The following PIKFYVE variants were observed in gnomAD, a reference collection of about 807,000 sequenced individuals.
The protein encoded by PIKFYVE is 1-phosphatidylinositol 3-phosphate 5-kinase.
Under a neutral mutation model 257.9 loss-of-function variants are expected in PIKFYVE, and 122 were observed. That is an observed-to-expected ratio of 0.47 (90% CI 0.41 to 0.55). The LOEUF (loss-of-function observed/expected upper bound fraction) is 0.55. Among genes scored for constraint, PIKFYVE ranks in the 20% least tolerant of loss-of-function variants. PIKFYVE has a pLI of 0.00. For synonymous variants in PIKFYVE, 892 were observed against 868.9 expected (o/e 1.03, Z -0.47); for missense variants, 2,160 against 2,536.6 (o/e 0.85, Z 3.19).
chr2:208,352,282 A>C (rs908327810), intron 38 of PIKFYVE, among the ~76,000 whole-genome samples: 1 of 152,268 alleles, frequency 6.6e-6, no homozygotes, highest in Non-Finnish European at 1.5e-5. Flanking sequence ...GTCATTGAGC[A>C]GCCACCAGTG....
At chr2:208,309,896 T>A (rs183493787) in intron 12 of PIKFYVE, among the ~76,000 whole-genome samples, 46 of 152,344 alleles carry the variant, frequency 3.0e-4, no homozygotes, top group Non-Finnish European at 5.4e-4. Flanking sequence ...AAAGAAATTA[T>A]AATCCTTTAG....
intron 5 of PIKFYVE, 55 bp downstream of exon 5, chr2:208,277,763 CT>C: frequency 6.4e-7 from 1 of 1,574,696 alleles, no homozygotes; most frequent in Non-Finnish European, 8.7e-7. Flanking sequence ...CTATAAGACA[CT>C]TATAATACAG....
At chr2:208,330,043 G>A in intron 22 of PIKFYVE, 130 bp downstream of exon 22, 2 of 1,257,666 alleles carry the variant, frequency 1.6e-6, no homozygotes, top group African/African-American at 1.5e-5. Context: ...GCATATCAGA[G>A]TATATCATTC....
chr2:208,270,891 T>C (rs947497840), intron 1 of PIKFYVE, among the ~76,000 whole-genome samples: 2 of 151,750 alleles, frequency 1.3e-5, no homozygotes, highest in African/African-American at 2.4e-5. Context: ...AAAAATTAAC[T>C]GGGCGTGGTG....
chr2:208,316,765 G>A (rs1000831009), intron 15 of PIKFYVE, among the ~76,000 whole-genome samples: 16 of 152,158 alleles, frequency 1.1e-4, no homozygotes, highest in African/African-American at 3.9e-4. Flanking sequence ...AAACAGCGTG[G>A]TACTGGTACC....
At chr2:208,324,497 A>T (rs963110077) in intron 18 of PIKFYVE, among the ~76,000 whole-genome samples, 1 of 152,194 alleles carries the variant, frequency 6.6e-6, no homozygotes, top group African/African-American at 2.4e-5. Context: ...ATTGGTGTCT[A>T]CAAGACCAAA....
At chr2:208,318,789 T>C (rs1179627037) in intron 16 of PIKFYVE, among the ~76,000 whole-genome samples, 1 of 151,966 alleles carries the variant, frequency 6.6e-6, no homozygotes, top group Non-Finnish European at 1.5e-5. Flanking sequence ...ACATCTGTAC[T>C]AAAAATACAA....
At chr2:208,312,194 T>C in intron 12 of PIKFYVE, 42 bp from the exon 13 acceptor site, 1 of 1,399,752 alleles carries the variant, frequency 7.1e-7, no homozygotes, top group East Asian at 2.3e-5. Context: ...GTCATATGTC[T>C]CTACTTTTGT....
At chr2:208,318,074 A>G in intron 16 of PIKFYVE, 133 bp downstream of exon 16, 1 of 946,688 alleles carries the variant, frequency 1.1e-6, no homozygotes, top group Middle Eastern at 2.1e-4. Flanking sequence ...CATAGGGGTG[A>G]AATTTGGTTG....
intron 35 of PIKFYVE, among the ~76,000 whole-genome samples, chr2:208,349,509 T>C (rs892456276): frequency 2.7e-5 from 4 of 149,830 alleles, no homozygotes; most frequent in Non-Finnish European, 5.9e-5. Context: ...GTTAATTATG[T>C]ATGTTATATA....
At position 208,306,092 on chromosome 2, in the gene PIKFYVE, G is replaced by A. The variant is rs1400910537; in HGVS notation, c.1636+1079G>A. Among the ~76,000 whole-genome samples the A allele has an allele frequency of 3.3e-5, 5 of 152,306 alleles. No homozygotes were observed. In the South Asian group the frequency reaches 1.0e-3, roughly 32 times the overall value. ...TTTCTCCAACAAATTTCTCATAGTTGTCAGTATTAGCTATTATCAAGATGT... is the reference window on the plus strand; with the variant it reads ...TTTCTCCAACAAATTTCTCATAGTTATCAGTATTAGCTATTATCAAGATGT... On this transcript the variant is annotated intron_variant, in intron 12 of 41. Transcript: ENST00000264380.
At position 208,355,349 on chromosome 2, in the gene PIKFYVE, C is replaced by T. The variant is rs1559185763; in HGVS notation, c.*44C>T. 6.7e-7 allele frequency: 1 copy of T among 1,503,070 alleles called. No homozygotes were observed. Among genetic ancestry groups the T allele is most frequent in the South Asian group, 1.1e-5 (1 of 88,146 alleles). 93.1% of individuals were successfully genotyped at this position (1,503,070 alleles called of 1,614,324 possible). On this transcript the variant is annotated 3_prime_UTR_variant, in exon 42 of 42. Coordinates refer to ENST00000264380, the MANE Select transcript of PIKFYVE (RefSeq NM_015040.4). ...AAATGGACTGTGAAGGAAAAGGGGA[C>T]AGGAACAAAGGACCAAAAATAAGCT...
chr2:208,278,699 C>T (rs2125071467), intron 5 of PIKFYVE, among the ~76,000 whole-genome samples: 1 of 152,202 alleles, frequency 6.6e-6, no homozygotes, highest in Non-Finnish European at 1.5e-5. Flanking sequence ...AGGATAATGG[C>T]CTCCAGCTGC....
chr2:208,320,409 A>G (rs1245003553), intron 17 of PIKFYVE, 50 bp downstream of exon 17: 7 of 1,595,546 alleles, frequency 4.4e-6, no homozygotes, highest in Non-Finnish European at 3.4e-6. Flanking sequence ...TTTGTGTACC[A>G]TGATGCTTAT....
At position 208,335,851 on chromosome 2, in the gene PIKFYVE, T is replaced by G; in HGVS notation, c.4315T>G (p.Phe1439Val). The change falls in exon 26 of 42, where the codon TTT (phenylalanine) becomes GTT (valine). Residue 1439 changes from phenylalanine to valine, a missense_variant. Phe to Val is a conservative substitution (Grantham distance 50). Transcript: ENST00000264380. ...ERLASLKTDT[F>V]SKTREEKMED... The stretch of plus-strand genomic sequence containing the variant: ...ACTTGCATCTTTGAAAACTGATACA[T>G]TTAGTAAAACAAGAGAGGAAAAAAT... The G allele has an allele frequency of 6.2e-7, 1 of 1,613,128 alleles. No individual in the cohort carries two copies. The highest frequency in any genetic ancestry group is 1.7e-5 in the Admixed American group (1 of 60,000).
chr2:208,287,727 A>G (rs1195690085), intron 6 of PIKFYVE, among the ~76,000 whole-genome samples: 5 of 151,442 alleles, frequency 3.3e-5, no homozygotes, highest in Admixed American at 1.3e-4. Flanking sequence ...TAGCCTCCCA[A>G]TTAGCTGGGA....
At chr2:208,272,683 A>C (rs1359681081) in intron 2 of PIKFYVE, among the ~76,000 whole-genome samples, 2 of 152,156 alleles carry the variant, frequency 1.3e-5, no homozygotes, top group African/African-American at 4.8e-5. Flanking sequence ...GGAGAGGTTA[A>C]TAGTGTTAAT....
Position 208,276,861 on chromosome 2 carries a change from A to G in PIKFYVE, c.441+31A>G, listed in dbSNP as rs1200225352. On this transcript the variant is annotated intron_variant, in intron 4 of 41. Coordinates refer to ENST00000264380, the MANE Select transcript of PIKFYVE (RefSeq NM_015040.4). ...GTCTAGAGGCTTTGGAAGATTACTT[A>G]TTAAGCGCTTATGGGGATCATGCCA... The G allele has an allele frequency of 2.6e-6, 4 of 1,557,436 alleles. No individual in the cohort carries two copies. The African/African-American group carries it at 5.4e-5, about 21-fold the overall frequency.
chr2:208,290,824 T>G (rs1355249785), intron 7 of PIKFYVE, among the ~76,000 whole-genome samples: 2 of 152,318 alleles, frequency 1.3e-5, no homozygotes, highest in East Asian at 1.9e-4. Context: ...GTGTGTAGTA[T>G]TATCTCATGT....
Sources: allele counts gnomAD v4.1 joint callset (sites outside exome capture counted in the v4.1 genomes callset), GRCh38; gene constraint gnomAD v4.1.1; transcripts MANE v1.5; gene names NCBI Gene and HGNC (gene_info 2026-07-23, HGNC 2026-07-21).